Variants in FSIP2 observed in about 807,000 individuals in gnomAD.
FSIP2 encodes fibrous sheath-interacting protein 2.
FSIP2 carries 367 observed loss-of-function variants against 510.5 expected under a neutral mutation model. That is an observed-to-expected ratio of 0.72 (90% confidence interval 0.66 to 0.78). FSIP2 has a LOEUF of 0.78. FSIP2 is among the 30% of genes least tolerant of loss of function. The pLI is 0.00. For synonymous variants in FSIP2, 2,601 were observed against 2,732.2 expected (o/e 0.95, Z 1.50); for missense variants, 7,594 against 7,901.7 (o/e 0.96, Z 1.48).
rs1017650866 is a variant in FSIP2 at position 185,790,557 on chromosome 2, G to C, written c.3421G>C (p.Val1141Leu). The C allele has an allele frequency of 6.5e-7, 1 of 1,533,702 alleles. No individual in the cohort carries two copies. The highest frequency in any genetic ancestry group is 1.2e-5 in the South Asian group (1 of 83,822). ...SKTGSEASVL[V>L]SEKPQGLSHQ... Reference sequence around the variant, plus strand: ...AACTGGCAGTGAAGCTTCAGTTCTTGTTTCAGAAAAGCCTCAAGGACTGTC... The same window carrying C: ...AACTGGCAGTGAAGCTTCAGTTCTTCTTTCAGAAAAGCCTCAAGGACTGTC... The change falls in exon 16 of 23, where the codon GTT (valine) becomes CTT (leucine). Residue 1141 changes from valine to leucine, a missense_variant. Val to Leu is a conservative substitution (Grantham distance 32). Transcript: ENST00000424728.
chr2:185,828,459 A>G (rs930069591), intron 21 of FSIP2, among the ~76,000 whole-genome samples: 12 of 151,888 alleles, frequency 7.9e-5, no homozygotes, highest in African/African-American at 2.2e-4. Context: ...CGTTCTCCCT[A>G]GCATCTAAGT....
At chr2:185,814,668 G>T (rs1281674782) in intron 18 of FSIP2, among the ~76,000 whole-genome samples, 2 of 151,928 alleles carry the variant, frequency 1.3e-5, no homozygotes, top group Non-Finnish European at 2.9e-5. Context: ...TTTTGAGTTT[G>T]GTCCTGCAGT....
chr2:185,792,594 C>A lies in FSIP2; in HGVS notation c.5458C>A (p.Gln1820Lys). Reference sequence around the variant, plus strand: ...TCACAATGTTGATGAGCCAACTCCCCAAACATCTGTTCAATTTATGGATAA... The same window carrying A: ...TCACAATGTTGATGAGCCAACTCCCAAAACATCTGTTCAATTTATGGATAA... ...MPHNVDEPTPQTSVQFMDKMM... is the reference protein window; with the variant it reads ...MPHNVDEPTPKTSVQFMDKMM... Residue 1820 changes from glutamine to lysine, a missense_variant, in exon 16 of 23, where the codon CAA becomes AAA. Transcript: ENST00000424728. 1 of 1,534,032 alleles carries A rather than the reference C, an allele frequency of 6.5e-7. No homozygotes were observed. Among genetic ancestry groups the A allele is most frequent in the Non-Finnish European group, 8.7e-7 (1 of 1,145,484 alleles).
chr2:185,806,400 A>G lies in FSIP2; in HGVS notation c.17094A>G (p.Ala5698=). 6.2e-7 allele frequency: 1 copy of G among 1,611,970 alleles called. No individual in the cohort carries two copies. The highest frequency in any genetic ancestry group is 8.5e-7 in the Non-Finnish European group (1 of 1,178,638). Residue 5698 remains alanine (A), a synonymous_variant, in exon 17 of 23, where the codon GCA becomes GCG. Transcript: ENST00000424728. ...AACTATCTTCTTCTCCAGAACCAGC[A>G]TATTATTCGAAACTCAGTTATGACC... The part of the protein sequence containing the change: ...VLELSSSPEP[A]YYSKLSYDQS...
chr2:185,793,278 A>G lies in FSIP2; in HGVS notation c.6142A>G (p.Ile2048Val). The change falls in exon 16 of 23, where the codon ATT becomes GTT. Residue 2048 changes from isoleucine to valine, a missense_variant. By Grantham distance (29) the Ile-to-Val change is conservative. Transcript: ENST00000424728. Reference protein sequence around the residue: ...ASQIVNALLDIISRKGKCDKN... With the variant: ...ASQIVNALLDVISRKGKCDKN... ...TCAAATTGTTAACGCATTGTTAGAC[A>G]TTATATCACGTAAAGGCAAATGTGA... The G allele has an allele frequency of 6.5e-7, 1 of 1,534,286 alleles. No homozygotes were observed. Among genetic ancestry groups the G allele is most frequent in the Non-Finnish European group, 8.7e-7 (1 of 1,145,590 alleles).
chr2:185,808,330 A>G lies in FSIP2; in HGVS notation c.19024A>G (p.Thr6342Ala). 6.2e-7 allele frequency: 1 copy of G among 1,610,314 alleles called. No individual in the cohort carries two copies. Among genetic ancestry groups the G allele is most frequent in the Non-Finnish European group, 8.5e-7 (1 of 1,178,720 alleles). ...AAAGTCTTCATCCAGAAAAGGTTTGACATTAGATGCCAAACTTTTAGAAGA... is the reference window on the plus strand; with the variant it reads ...AAAGTCTTCATCCAGAAAAGGTTTGGCATTAGATGCCAAACTTTTAGAAGA... ...KEKSSSRKGL[T>A]LDAKLLEEVL... Residue 6342 changes from threonine (T) to alanine (A), a missense_variant, in exon 17 of 23, where the codon ACA (threonine) becomes GCA (alanine). Physicochemically the swap from Thr to Ala is moderately conservative, Grantham distance 58 (BLOSUM62 0). Transcript: ENST00000424728.
At chr2:185,755,477 AAGT>A (rs1436092126) in intron 8 of FSIP2, among the ~76,000 whole-genome samples, 1 of 151,636 alleles carries the variant, frequency 6.6e-6, no homozygotes, top group Non-Finnish European at 1.5e-5. Flanking sequence ...GTTGAAGAAG[AAGT>A]AGTATGAAAA....
In FSIP2 at chr2:185,814,081, A is replaced by G. The variant is rs200955565; in HGVS notation, c.20325+39A>G. On this transcript the variant is annotated intron_variant, in intron 18 of 22. Transcript: ENST00000424728. ...ATGACTGTTAGTGACTAGAAAGGGGAGACATCTTCACAAATCTGGCCCAAG... is the reference window on the plus strand; with the variant it reads ...ATGACTGTTAGTGACTAGAAAGGGGGGACATCTTCACAAATCTGGCCCAAG... 4.0e-4 allele frequency: 624 copies of G among 1,557,060 alleles called. 6 individuals carry two copies. In the South Asian group the frequency reaches 7.2e-3, roughly 18 times the overall value.
Position 185,793,829 on chromosome 2 carries a change from T to C in FSIP2, c.6693T>C (p.Thr2231=). The C allele has an allele frequency of 6.5e-7, 1 of 1,533,004 alleles. No homozygotes were observed. Among genetic ancestry groups the C allele is most frequent in the Non-Finnish European group, 8.7e-7 (1 of 1,145,352 alleles). The allele number at this position is 1,533,004 out of a possible 1,614,324, so 95.0% of individuals were successfully genotyped here. A position where few individuals can be genotyped will look rare whatever the true frequency, so the allele number is the denominator to read the frequency against. The change falls in exon 16 of 23, where the codon ACT becomes ACC. Residue 2231 remains threonine (T), a synonymous_variant. Transcript: ENST00000424728. ...KSAYADDNQI[T]VVEKEDTQKS... is the part of the protein sequence containing the mutation. Reference sequence around the variant, plus strand: ...CTTATGCTGATGATAATCAGATAACTGTAGTAGAGAAAGAAGACACTCAGA... The same window carrying C: ...CTTATGCTGATGATAATCAGATAACCGTAGTAGAGAAAGAAGACACTCAGA...
intron 14 of FSIP2, 50 bp downstream of exon 14, chr2:185,782,812 A>AT: frequency 1.1e-6 from 1 of 934,410 alleles, no homozygotes; most frequent in Non-Finnish European, 1.7e-6. Flanking sequence ...TAATGATTAC[A>AT]TAAGAGTGCT....
chr2:185,750,538 T>C (rs370230957), intron 7 of FSIP2, among the ~76,000 whole-genome samples: 2 of 151,066 alleles, frequency 1.3e-5, no homozygotes, highest in African/African-American at 4.8e-5. Flanking sequence ...CTTTTTCTTT[T>C]TCTTCTTATT....
chr2:185,802,468 G>C lies in FSIP2; in HGVS notation c.13162G>C (p.Asp4388His). The C allele has an allele frequency of 6.5e-7, 1 of 1,533,850 alleles. No individual in the cohort carries two copies. ...YRNALKQHGLDLAVDKESEDS... is the reference protein window; with the variant it reads ...YRNALKQHGLHLAVDKESEDS... ...AAATGCTTTAAAGCAGCATGGGCTAGACCTTGCTGTTGATAAAGAGTCTGA... is the reference window on the plus strand; with the variant it reads ...AAATGCTTTAAAGCAGCATGGGCTACACCTTGCTGTTGATAAAGAGTCTGA... Residue 4388 changes from aspartate (D) to histidine (H), a missense_variant, in exon 17 of 23, where the codon GAC becomes CAC. Asp to His is a moderately conservative substitution (Grantham distance 81, BLOSUM62 -1). Coordinates refer to ENST00000424728, the MANE Select transcript of FSIP2 (RefSeq NM_173651.4).
intron 8 of FSIP2, among the ~76,000 whole-genome samples, chr2:185,755,812 T>G (rs1692235705): frequency 6.6e-6 from 1 of 151,560 alleles, no homozygotes; most frequent in Admixed American, 6.6e-5. Context: ...ATATGTGCAT[T>G]TGCTTATGCC....
At chr2:185,771,833 C>G (rs1042978937) in intron 13 of FSIP2, among the ~76,000 whole-genome samples, 11 of 152,178 alleles carry the variant, frequency 7.2e-5, no homozygotes, top group Admixed American at 7.2e-4. Flanking sequence ...GTGAACCTTA[C>G]AAATTTTTAC....
chr2:185,761,994 A>C lies in FSIP2; in HGVS notation c.1217A>C (p.Asn406Thr), dbSNP rs115046550. Residue 406 changes from asparagine (N) to threonine (T), a missense_variant, in exon 11 of 23, where the codon AAC becomes ACC. Physicochemically the swap from Asn to Thr is moderately conservative, Grantham distance 65. Coordinates refer to ENST00000424728, the MANE Select transcript of FSIP2 (RefSeq NM_173651.4). ...TAGAGAGATGGGATGGTATCTAAAA[A>C]CTCAAGTATTTTCGATGATAGAGGT... ...NQKRDGMVSKNSSIFDDRGGI... is the reference protein window; with the variant it reads ...NQKRDGMVSKTSSIFDDRGGI... The C allele has an allele frequency of 1.3e-3, 1,900 of 1,485,854 alleles. 27 individuals carry two copies. The African/African-American group carries it at 0.024, about 19-fold the overall frequency. 92.0% of individuals were successfully genotyped at this position (1,485,854 alleles called of 1,614,324 possible). A position where few individuals can be genotyped will look rare whatever the true frequency, so the allele number is the denominator to read the frequency against.
chr2:185,793,288 G>A lies in FSIP2; in HGVS notation c.6152G>A (p.Arg2051His), dbSNP rs989704997. The A allele has an allele frequency of 1.2e-5, 18 of 1,533,968 alleles. No individual in the cohort carries two copies. The highest frequency in any genetic ancestry group is 1.7e-4 in the Middle Eastern group (1 of 5,994). The change falls in exon 16 of 23, where the codon CGT (arginine) becomes CAT (histidine). Residue 2051 changes from arginine to histidine, a missense_variant. Arg to His is a conservative substitution (Grantham distance 29, BLOSUM62 0). Coordinates refer to ENST00000424728, the MANE Select transcript of FSIP2 (RefSeq NM_173651.4). Reference sequence around the variant, plus strand: ...AACGCATTGTTAGACATTATATCACGTAAAGGCAAATGTGACAAAAACAGT... The same window carrying A: ...AACGCATTGTTAGACATTATATCACATAAAGGCAAATGTGACAAAAACAGT... ...IVNALLDIIS[R>H]KGKCDKNSSD...
intron 2 of FSIP2, among the ~76,000 whole-genome samples, chr2:185,742,104 G>C (rs1246753065): frequency 2.0e-5 from 3 of 152,210 alleles, no homozygotes; most frequent in African/African-American, 7.2e-5. Context: ...TCCTGAGCCA[G>C]TGCCTGATTT....
At chr2:185,770,343 TCA>T (rs1429240566) in intron 13 of FSIP2, among the ~76,000 whole-genome samples, 1 of 152,114 alleles carries the variant, frequency 6.6e-6, no homozygotes, top group Non-Finnish European at 1.5e-5. Context: ...TTGTTGTGAA[TCA>T]CATTGCAATC....
chr2:185,771,455 A>C (rs1692606611), intron 13 of FSIP2, among the ~76,000 whole-genome samples: 2 of 152,208 alleles, frequency 1.3e-5, no homozygotes, highest in African/African-American at 4.8e-5. Context: ...CAGCACATAG[A>C]ACCTGACAAG....
Sources: gnomAD v4.1 joint callset for allele counts (sites outside exome capture counted in the v4.1 genomes callset) on GRCh38, gnomAD v4.1.1 for gene constraint, MANE v1.5 for transcripts, NCBI Gene and HGNC (gene_info 2026-07-23, HGNC 2026-07-21) for gene names.